The following MND1 variants were observed in gnomAD, a reference collection of about 807,000 sequenced individuals.
MND1 encodes the protein meiotic nuclear divisions 1, also known as meiotic nuclear division protein 1 homolog.
MND1 carries 28 observed loss-of-function variants against 35.1 expected under a neutral mutation model. The ratio of observed to expected loss-of-function variants is 0.80; its 90% CI spans 0.59 to 1.09. The LOEUF (loss-of-function observed/expected upper bound fraction) is 1.09. Among genes scored for constraint, MND1 ranks in the 50% least tolerant of loss-of-function variants. The pLI is 0.00. For missense variants in MND1, 213 were observed against 239.6 expected (o/e 0.89, Z 0.73); for synonymous variants, 69 against 70.5 (o/e 0.98, Z 0.11).
At chr4:153,358,811 C>T (rs1358061115) in intron 4 of MND1, among the ~76,000 whole-genome samples, 189 bp downstream of exon 4, 2 of 152,046 alleles carry the variant, frequency 1.3e-5, no homozygotes, top group Non-Finnish European at 2.9e-5. Flanking sequence ...TTTCATCTTC[C>T]CATATGTCAA....
chr4:153,385,715 CAAAAA>C (rs60037291), intron 4 of MND1, among the ~76,000 whole-genome samples: 2 of 83,694 alleles, frequency 2.4e-5, no homozygotes, highest in Non-Finnish European at 2.5e-5. Flanking sequence ...GACCCTGTCT[CAAAAA>C]AAAAAAAAAA....
chr4:153,380,545 T>C (rs1390304292), intron 4 of MND1, among the ~76,000 whole-genome samples: 4 of 152,190 alleles, frequency 2.6e-5, no homozygotes, highest in East Asian at 1.9e-4. Context: ...AAATTCATGC[T>C]CTGGGAAGGG....
chr4:153,403,351 C>G (rs1042617813), intron 6 of MND1, among the ~76,000 whole-genome samples: 5 of 152,192 alleles, frequency 3.3e-5, no homozygotes, highest in African/African-American at 1.2e-4. Flanking sequence ...ACGCATGTCG[C>G]AGCACATGCA....
intron 4 of MND1, among the ~76,000 whole-genome samples, chr4:153,363,464 G>A (rs148903267): frequency 1.4e-4 from 21 of 152,180 alleles, no homozygotes; most frequent in Non-Finnish European, 2.4e-4. Context: ...CACCCGCCTC[G>A]GCCTCCCAAA....
intron 3 of MND1, among the ~76,000 whole-genome samples, chr4:153,356,671 A>G (rs1360948439): frequency 6.7e-6 from 1 of 149,964 alleles, no homozygotes; most frequent in Non-Finnish European, 1.5e-5. Flanking sequence ...TCTTTATTGT[A>G]TTTTTTAGTG....
chr4:153,353,955 A>G (rs569829355), intron 2 of MND1, among the ~76,000 whole-genome samples: 3 of 152,122 alleles, frequency 2.0e-5, no homozygotes, highest in Non-Finnish European at 4.4e-5. Flanking sequence ...CCTGAGCTCA[A>G]ATGATCCACC....
chr4:153,394,104 G>C (rs1729131661), intron 4 of MND1, among the ~76,000 whole-genome samples, 158 bp from the exon 5 acceptor site: 1 of 151,574 alleles, frequency 6.6e-6, no homozygotes, highest in Non-Finnish European at 1.5e-5. Context: ...CACCGTGTTG[G>C]CCAGGATGGT....
chr4:153,410,004 T>C (rs1033341398), intron 7 of MND1, among the ~76,000 whole-genome samples: 18 of 152,316 alleles, frequency 1.2e-4, no homozygotes, highest in African/African-American at 3.1e-4. Context: ...GTGTGTGTAG[T>C]GGGAGGAACG....
chr4:153,360,952 G>A (rs988770109), intron 4 of MND1, among the ~76,000 whole-genome samples: 4 of 151,980 alleles, frequency 2.6e-5, no homozygotes, highest in Non-Finnish European at 2.9e-5. Context: ...CCATCCTCCC[G>A]CCTCAGCCTC....
intron 4 of MND1, among the ~76,000 whole-genome samples, chr4:153,383,616 A>C (rs1728769500): frequency 6.6e-6 from 1 of 152,182 alleles, no homozygotes; most frequent in South Asian, 2.1e-4. Flanking sequence ...AGAACTCTAG[A>C]CTAAAAAAGA....
chr4:153,384,531 G>A (rs904371649), intron 4 of MND1, among the ~76,000 whole-genome samples: 1 of 131,456 alleles, frequency 7.6e-6, no homozygotes, highest in African/African-American at 2.8e-5. Flanking sequence ...GGCCTCAACC[G>A]ATCTTCCCAC....
intron 4 of MND1, among the ~76,000 whole-genome samples, chr4:153,393,760 G>A (rs568349172): frequency 6.6e-6 from 1 of 151,462 alleles, no homozygotes; most frequent in African/African-American, 2.4e-5. Flanking sequence ...GAGACTATGT[G>A]GAAAAGATTA....
chr4:153,387,235 C>T lies in MND1; in HGVS notation c.277-7027C>T, dbSNP rs78408969. 4.7e-4 allele frequency among the ~76,000 whole-genome samples: 72 copies of T among 151,838 alleles called. 1 individual carries two copies. The East Asian group carries it at 0.012, about 26-fold the overall frequency. On this transcript the variant is annotated intron_variant, in intron 4 of 7. Coordinates refer to ENST00000240488, the MANE Select transcript of MND1 (RefSeq NM_032117.4). The stretch of plus-strand genomic sequence containing the variant: ...AGTTTTCCTTCTAGCTTTTAAAAAA[C>T]TCAGTTGTATCCCACGGGAATTTTT...
intron 4 of MND1, among the ~76,000 whole-genome samples, chr4:153,390,941 G>GTGTGTA (rs72519497): frequency 1.3e-5 from 2 of 149,330 alleles, no homozygotes; most frequent in Non-Finnish European, 3.0e-5. Flanking sequence ...GTGTGTGTGT[G>GTGTGTA]TATATAAAAT....
intron 4 of MND1, among the ~76,000 whole-genome samples, chr4:153,374,686 A>C (rs1728450277): frequency 6.6e-6 from 1 of 151,796 alleles, no homozygotes. Context: ...AATTATGTGC[A>C]GGAATGTTCT....
intron 4 of MND1, among the ~76,000 whole-genome samples, chr4:153,386,682 C>T (rs1034514406): frequency 7.9e-5 from 12 of 152,148 alleles, no homozygotes; most frequent in African/African-American, 2.9e-4. Flanking sequence ...CACCACTGCA[C>T]TCCAGCTTGG....
chr4:153,393,537 C>T (rs1729107478), intron 4 of MND1, among the ~76,000 whole-genome samples: 1 of 151,944 alleles, frequency 6.6e-6, no homozygotes, highest in African/African-American at 2.4e-5. Context: ...TGCCATCACG[C>T]TTGGCTAAAT....
chr4:153,378,819 C>A (rs1728581851), intron 4 of MND1, among the ~76,000 whole-genome samples: 1 of 152,076 alleles, frequency 6.6e-6, no homozygotes, highest in Non-Finnish European at 1.5e-5. Flanking sequence ...CTGAAAGAGC[C>A]CAATCCACAT....
In MND1 at chr4:153,391,443, C is replaced by T. The variant is rs193133626; in HGVS notation, c.277-2819C>T. Among the ~76,000 whole-genome samples the T allele has an allele frequency of 2.0e-3, 303 of 152,004 alleles. 1 individual carries two copies. The highest frequency in any genetic ancestry group is 3.0e-3 in the Admixed American group (46 of 15,260). ...ACTCTTTTTTAAAAGAACTAGACTC[C>T]GGCCGGGTGTGGTGGCTTACGCCTG... On this transcript the variant is annotated intron_variant, in intron 4 of 7. Coordinates refer to ENST00000240488, the MANE Select transcript of MND1 (RefSeq NM_032117.4).
Sources: gnomAD v4.1 joint callset for allele counts (sites outside exome capture counted in the v4.1 genomes callset) on GRCh38, gnomAD v4.1.1 for gene constraint, MANE v1.5 for transcripts, NCBI Gene and HGNC (gene_info 2026-07-23, HGNC 2026-07-21) for gene names.